The following CAMSAP1 variants were observed in gnomAD, a reference collection of about 807,000 sequenced individuals.
CAMSAP1 encodes calmodulin-regulated spectrin-associated protein 1.
In CAMSAP1, 58 loss-of-function variants were observed where a neutral mutation model predicts 143.5. The observed-to-expected ratio is 0.40, with a 90% CI of 0.33 to 0.50. The LOEUF (loss-of-function observed/expected upper bound fraction) is 0.50. CAMSAP1 is among the 20% of genes least tolerant of loss of function. The probability of loss-of-function intolerance (pLI) is 0.45; values close to 1 mark genes in which losing one functional copy is unlikely to be tolerated. For synonymous variants in CAMSAP1, 945 were observed against 859.3 expected (o/e 1.10, Z -1.74); for missense variants, 1,969 against 2,115.7 (o/e 0.93, Z 1.36).
At chr9:135,835,515 C>G (rs1358901946) in intron 7 of CAMSAP1, among the ~76,000 whole-genome samples, 2 of 152,206 alleles carry the variant, frequency 1.3e-5, no homozygotes, top group South Asian at 4.1e-4. Flanking sequence ...GAATTGAGAA[C>G]AGGGCCCTGC....
chr9:135,855,119 G>A (rs893516471), intron 5 of CAMSAP1, among the ~76,000 whole-genome samples: 8 of 152,004 alleles, frequency 5.3e-5, no homozygotes, highest in African/African-American at 1.9e-4. Flanking sequence ...AGCCTCCCGA[G>A]TAGCTGAGAC....
chr9:135,896,666 T>G (rs908691692), intron 1 of CAMSAP1, among the ~76,000 whole-genome samples: 1 of 152,238 alleles, frequency 6.6e-6, no homozygotes, highest in Non-Finnish European at 1.5e-5. Flanking sequence ...TAGGTTATCT[T>G]AATGAAATCA....
Position 135,811,663 on chromosome 9 carries a change from T to C in CAMSAP1, c.4507-52A>G, listed in dbSNP as rs1835056840. The C allele has an allele frequency of 5.3e-6, 8 of 1,515,298 alleles. No individual in the cohort carries two copies. The highest frequency in any genetic ancestry group is 1.4e-5 in the African/African-American group (1 of 72,338). The allele number at this position is 1,515,298 out of a possible 1,614,324, so 93.9% of individuals were successfully genotyped here. A position where few individuals can be genotyped will look rare whatever the true frequency, so the allele number is the denominator to read the frequency against. Reference sequence around the variant, plus strand: ...GACAAACACTTCAGGGCCACTCCAATTGCCACGAGTTGGGCTCCCACAGCG... The same window carrying C: ...GACAAACACTTCAGGGCCACTCCAACTGCCACGAGTTGGGCTCCCACAGCG... On this transcript the variant is annotated intron_variant, in intron 16 of 16. Transcript: ENST00000389532. The surrounding 1 kb of genome is among the most constrained non-coding windows in gnomAD (Gnocchi z 4.9).
Position 135,882,784 on chromosome 9 carries a change from GC to G in CAMSAP1, c.423+31del, listed in dbSNP as rs1333546761. On this transcript the variant is annotated intron_variant, in intron 2 of 16. Coordinates refer to ENST00000389532, the MANE Select transcript of CAMSAP1 (RefSeq NM_015447.4). This position sits in a 1 kb window ranked among gnomAD's most constrained non-coding sequence, Gnocchi z 4.9. ...CGAGAGCCCACGGCTCCAGAGGATG[GC>G]CCCTGGGGGCGGCCACCGCAGACCA... 11 of 1,536,244 alleles carry G rather than the reference GC, an allele frequency of 7.2e-6. No homozygotes were observed. The South Asian group carries it at 1.2e-4, about 17-fold the overall frequency.
chr9:135,835,153 C>T (rs1427611212), intron 7 of CAMSAP1, among the ~76,000 whole-genome samples: 2 of 151,990 alleles, frequency 1.3e-5, no homozygotes, highest in Non-Finnish European at 2.9e-5. Context: ...TGATGATGCA[C>T]GTGTACTAAC....
intron 5 of CAMSAP1, among the ~76,000 whole-genome samples, chr9:135,856,135 TA>T (rs1231440839): frequency 1.3e-5 from 2 of 152,198 alleles, no homozygotes; most frequent in African/African-American, 4.8e-5. Flanking sequence ...TCTCTGCCTA[TA>T]TTAGTCCATC....
intron 1 of CAMSAP1, among the ~76,000 whole-genome samples, chr9:135,896,583 A>G (rs950863142): frequency 2.0e-5 from 3 of 152,242 alleles, no homozygotes; most frequent in Non-Finnish European, 4.4e-5. Context: ...CCAAATGCCC[A>G]TGAAACATTC....
chr9:135,893,826 G>A (rs763760124), intron 1 of CAMSAP1, among the ~76,000 whole-genome samples: 1 of 152,208 alleles, frequency 6.6e-6, no homozygotes, highest in African/African-American at 2.4e-5. Flanking sequence ...TTTCTGGCCA[G>A]GACAAAATGG....
At chr9:135,845,602 G>A (rs1165873449) in intron 7 of CAMSAP1, among the ~76,000 whole-genome samples, 1 of 152,194 alleles carries the variant, frequency 6.6e-6, no homozygotes, top group Admixed American at 6.5e-5. Context: ...TGACATGATT[G>A]TATATTCAGA....
chr9:135,855,748 TAAAAAA>T (rs34874470), intron 5 of CAMSAP1, among the ~76,000 whole-genome samples: 3 of 84,692 alleles, frequency 3.5e-5, no homozygotes, highest in Non-Finnish European at 7.0e-5. Context: ...CATCTCAATT[TAAAAAA>T]AAAAAAAAAA....
intron 7 of CAMSAP1, among the ~76,000 whole-genome samples, chr9:135,831,947 G>A (rs1052928156): frequency 2.6e-5 from 4 of 152,132 alleles, no homozygotes; most frequent in Non-Finnish European, 5.9e-5. Flanking sequence ...GATTGAAGCA[G>A]TAATCACAAA....
chr9:135,831,944 G>A (rs184207517), intron 7 of CAMSAP1, among the ~76,000 whole-genome samples: 69 of 152,266 alleles, frequency 4.5e-4, no homozygotes, highest in African/African-American at 1.6e-3. Context: ...AGAGATTGAA[G>A]CAGTAATCAC....
In CAMSAP1 at chr9:135,811,352, G is replaced by A. The variant is rs1343166673; in HGVS notation, c.4766C>T (p.Pro1589Leu). The change falls in exon 17 of 17, where the codon CCC becomes CTC. Residue 1589 changes from proline to leucine, a missense_variant. Pro to Leu is a moderately conservative substitution (Grantham distance 98, BLOSUM62 -3). This residue lies in a region of CAMSAP1 where 143 missense variants were observed against 200.6 expected (regional missense o/e 0.71). Transcript: ENST00000389532. The surrounding 1 kb of genome is among the most constrained non-coding windows in gnomAD (Gnocchi z 4.9). ...ALTIHNHLWQ[P>L]KRPAVPKKAQ... Reference sequence around the variant, plus strand: ...CTTCTTTGGCACTGCAGGCCGCTTGGGCTGCCACAGGTGGTTGTGGATTGT... The same window carrying A: ...CTTCTTTGGCACTGCAGGCCGCTTGAGCTGCCACAGGTGGTTGTGGATTGT... 1 of 1,613,082 alleles carries A rather than the reference G, an allele frequency of 6.2e-7. No individual in the cohort carries two copies. Among genetic ancestry groups the A allele is most frequent in the Non-Finnish European group, 8.5e-7 (1 of 1,179,538 alleles).
intron 1 of CAMSAP1, among the ~76,000 whole-genome samples, chr9:135,886,637 C>T (rs901074911): frequency 1.3e-5 from 2 of 152,156 alleles, no homozygotes; most frequent in Non-Finnish European, 2.9e-5. Flanking sequence ...TAGGCGGGCA[C>T]ACAAGGAATG....
chr9:135,855,748 T>TA (rs34874470), intron 5 of CAMSAP1, among the ~76,000 whole-genome samples: 2,534 of 84,646 alleles, frequency 0.03, 54 homozygotes, highest in African/African-American at 0.066. Context: ...CATCTCAATT[T>TA]AAAAAAAAAA....
intron 7 of CAMSAP1, among the ~76,000 whole-genome samples, chr9:135,835,908 A>C (rs1224082030): frequency 6.6e-6 from 1 of 152,230 alleles, no homozygotes; most frequent in Admixed American, 6.5e-5. Context: ...TGAACCCAGG[A>C]GGTGGAGGCT....
rs1156781693 is a variant in CAMSAP1, at chr9:135,824,590, G to A, written c.1315+199C>T. Among the ~76,000 whole-genome samples, 2 of 152,150 alleles carry A rather than the reference G, an allele frequency of 1.3e-5. No individual in the cohort carries two copies. The highest frequency in any genetic ancestry group is 2.9e-5 in the Non-Finnish European group (2 of 68,024). ...TGAGGCAGGAGAATTGCTTGAACCA[G>A]GGAGTCAGAGGCTGCAGTGAGCCGA... On this transcript the variant is annotated intron_variant, in intron 9 of 16. Transcript: ENST00000389532. The surrounding 1 kb of genome is among the most constrained non-coding windows in gnomAD (Gnocchi z 4.1).
intron 1 of CAMSAP1, among the ~76,000 whole-genome samples, chr9:135,905,230 C>T (rs1245570382): frequency 6.6e-6 from 1 of 152,222 alleles, no homozygotes; most frequent in Non-Finnish European, 1.5e-5. Context: ...GGAAGTGAAA[C>T]TAGACGAACC....
chr9:135,903,201 C>T (rs1838669812), intron 1 of CAMSAP1, among the ~76,000 whole-genome samples: 1 of 152,226 alleles, frequency 6.6e-6, no homozygotes, highest in Non-Finnish European at 1.5e-5. Flanking sequence ...ACTTCAGCCA[C>T]CGCCTCAACT....
Sources: gnomAD v4.1 joint callset for allele counts (sites outside exome capture counted in the v4.1 genomes callset) on GRCh38, gnomAD v4.1.1 for gene constraint, gnomAD v4.1.1 regional missense constraint, Gnocchi (gnomAD v3.1) non-coding constraint, MANE v1.5 for transcripts, NCBI Gene and HGNC (gene_info 2026-07-23, HGNC 2026-07-21) for gene names.